The following AMMECR1 variants were observed in gnomAD, a reference collection of about 807,000 sequenced individuals.
The protein encoded by AMMECR1 is AMMECR nuclear protein 1, also known as nuclear protein AMMECR1.
Under a neutral mutation model 22.5 loss-of-function variants are expected in AMMECR1, and 3 were observed. The observed-to-expected ratio is 0.13, with a 90% confidence interval of 0.06 to 0.35. The LOEUF (loss-of-function observed/expected upper bound fraction) is 0.35, where lower values mean the gene tolerates loss of function less well. Among genes scored for constraint, AMMECR1 ranks in the 10% least tolerant of loss-of-function variants. The pLI is 1.00. For synonymous variants in AMMECR1, 130 were observed against 116.7 expected (o/e 1.11, Z -0.74); for missense variants, 235 against 278.7 (o/e 0.84, Z 1.12).
intron 2 of AMMECR1, among the ~76,000 whole-genome samples, chrX:110,395,709 T>G (rs1318487981): frequency 9.2e-6 from 1 of 108,583 alleles, no homozygotes; most frequent in Non-Finnish European, 1.9e-5. Flanking sequence ...GGGGAGGGAG[T>G]GAGATGGCAA....
chrX:110,325,197 T>C (rs1006975084), intron 2 of AMMECR1, among the ~76,000 whole-genome samples: 4 of 112,134 alleles, frequency 3.6e-5, no homozygotes, highest in African/African-American at 1.3e-4. Context: ...AGTGTGTTTA[T>C]GGAGTACATG....
chrX:110,424,824 T>A (rs935812564), intron 2 of AMMECR1, among the ~76,000 whole-genome samples: 7 of 112,028 alleles, frequency 6.2e-5, no homozygotes, highest in Non-Finnish European at 9.4e-5. Flanking sequence ...AACATGAGTG[T>A]TGTCCCGTTA....
At chrX:110,341,504 C>T (rs1256645174) in intron 2 of AMMECR1, among the ~76,000 whole-genome samples, 2 of 111,965 alleles carry the variant, frequency 1.8e-5, no homozygotes, top group African/African-American at 3.2e-5. Flanking sequence ...AAATTATGGA[C>T]GATTTTAAGT....
At position 110,244,352 on chromosome X, in the gene AMMECR1, G is replaced by A. The variant is rs1474560356; in HGVS notation, c.584+20137C>T. ...AATAGTCAGGGATGTAACTTGGGCTGCTTGTATATATTTCTCTTCTCATAT... is the reference window on the plus strand; with the variant it reads ...AATAGTCAGGGATGTAACTTGGGCTACTTGTATATATTTCTCTTCTCATAT... On this transcript the variant is annotated intron_variant, in intron 2 of 5. Transcript: ENST00000262844. Among the ~76,000 whole-genome samples the A allele has an allele frequency of 4.5e-5, 5 of 111,441 alleles. 1 individual carries two copies. In the East Asian group the frequency reaches 1.4e-3, roughly 31 times the overall value.
At chrX:110,367,450 T>A (rs28548268) in intron 2 of AMMECR1, among the ~76,000 whole-genome samples, 9,636 of 111,713 alleles carry the variant, frequency 0.086, 577 homozygotes, top group African/African-American at 0.21. Flanking sequence ...TTCTCCTTTT[T>A]TTTTCGCCCA....
At chrX:110,272,043 G>A (rs778197599) in intron 1 of AMMECR1, among the ~76,000 whole-genome samples, 5 of 109,614 alleles carry the variant, frequency 4.6e-5, no homozygotes, top group Admixed American at 2.9e-4. Flanking sequence ...GTGAAACCCC[G>A]TCTCTACTAA....
chrX:110,251,755 C>T (rs2067687261), intron 2 of AMMECR1, among the ~76,000 whole-genome samples: 2 of 111,217 alleles, frequency 1.8e-5, no homozygotes, highest in East Asian at 5.7e-4. Context: ...GCGTTTTGCT[C>T]AATGATCAGT....
chrX:110,290,850 C>T (rs1428580878), intron 1 of AMMECR1, among the ~76,000 whole-genome samples: 1 of 111,771 alleles, frequency 8.9e-6, no homozygotes, highest in Non-Finnish European at 1.9e-5. Flanking sequence ...TTCTTCAATA[C>T]TACAATGCTT....
At chrX:110,303,952 G>T (rs770568526) in intron 1 of AMMECR1, among the ~76,000 whole-genome samples, 26 of 112,245 alleles carry the variant, frequency 2.3e-4, no homozygotes, top group Non-Finnish European at 3.9e-4. Context: ...AGTGATCACT[G>T]AAAAAGAAGT....
At chrX:110,257,710 T>G (rs2067717893) in intron 2 of AMMECR1, among the ~76,000 whole-genome samples, 1 of 111,628 alleles carries the variant, frequency 9.0e-6, no homozygotes, top group Non-Finnish European at 1.9e-5. Flanking sequence ...TTTAAATACA[T>G]TTTAGCTTTT....
At chrX:110,418,646 A>G (rs1392066580) in intron 2 of AMMECR1, among the ~76,000 whole-genome samples, 1 of 111,636 alleles carries the variant, frequency 9.0e-6, no homozygotes, top group Non-Finnish European at 1.9e-5. Context: ...GTCTCCAACC[A>G]TGTCTTGACC....
chrX:110,275,825 C>T lies in AMMECR1; in HGVS notation c.474-11226G>A, dbSNP rs189518510. Among the ~76,000 whole-genome samples the T allele has an allele frequency of 3.2e-4, 35 of 110,612 alleles. No individual in the cohort carries two copies. The East Asian group carries it at 7.9e-3, about 25-fold the overall frequency. ...AGCCTGGGCAACAAGAGTGAAACTCCGTCTCAAAAATAAATAAATAAATAA... is the reference window on the plus strand; with the variant it reads ...AGCCTGGGCAACAAGAGTGAAACTCTGTCTCAAAAATAAATAAATAAATAA... On this transcript the variant is annotated intron_variant, in intron 1 of 5. Transcript: ENST00000262844.
At chrX:110,401,090 G>A (rs982235775) in intron 2 of AMMECR1, among the ~76,000 whole-genome samples, 29 of 112,416 alleles carry the variant, frequency 2.6e-4, no homozygotes, top group Admixed American at 8.5e-4. Context: ...TCGTTTTACA[G>A]ATGAAAGTGG....
intron 2 of AMMECR1, among the ~76,000 whole-genome samples, chrX:110,227,047 A>AT (rs2067537519): frequency 8.9e-6 from 1 of 111,935 alleles, no homozygotes; most frequent in Non-Finnish European, 1.9e-5. Context: ...GCTGGAAGTC[A>AT]TAATAGGTTA....
At chrX:110,200,078 G>A (rs962371609) in intron 5 of AMMECR1, among the ~76,000 whole-genome samples, 7 of 110,939 alleles carry the variant, frequency 6.3e-5, no homozygotes, top group Admixed American at 3.8e-4. Context: ...TTCCTTAAGG[G>A]AATCACTTTC....
chrX:110,276,376 C>T (rs1222643126), intron 1 of AMMECR1, among the ~76,000 whole-genome samples: 1 of 111,422 alleles, frequency 9.0e-6, no homozygotes, highest in African/African-American at 3.3e-5. Flanking sequence ...GATTGGCTTC[C>T]TTCTGGTTAT....
At chrX:110,238,318 T>C (rs2067612234) in intron 2 of AMMECR1, among the ~76,000 whole-genome samples, 1 of 112,624 alleles carries the variant, frequency 8.9e-6, no homozygotes, top group Non-Finnish European at 1.9e-5. Flanking sequence ...CTACAGTCTT[T>C]GTCATGCTCA....
At chrX:110,302,733 C>T (rs1353541885) in intron 1 of AMMECR1, among the ~76,000 whole-genome samples, 2 of 110,363 alleles carry the variant, frequency 1.8e-5, no homozygotes, top group Admixed American at 9.6e-5. Flanking sequence ...ATTAGCCAGG[C>T]GTGGTAGCAG....
At chrX:110,385,395 G>A (rs775290433) in intron 2 of AMMECR1, among the ~76,000 whole-genome samples, 12 of 111,241 alleles carry the variant, frequency 1.1e-4, no homozygotes, top group African/African-American at 3.9e-4. Flanking sequence ...AAAGTGTACA[G>A]TTCAGTCATT....
Sources: allele counts gnomAD v4.1 joint callset (sites outside exome capture counted in the v4.1 genomes callset), GRCh38; gene constraint gnomAD v4.1.1; transcripts MANE v1.5; gene names NCBI Gene and HGNC (gene_info 2026-07-23, HGNC 2026-07-21).